The following IARS1 variants were observed in gnomAD, a reference collection of about 807,000 sequenced individuals.
IARS1 encodes the protein isoleucine--tRNA ligase, cytoplasmic.
Under a neutral mutation model 168.2 loss-of-function variants are expected in IARS1, and 124 were observed. That is an observed-to-expected ratio of 0.74 (90% CI 0.64 to 0.86). IARS1 has a LOEUF of 0.86. Among genes scored for constraint, IARS1 ranks in the 40% least tolerant of loss-of-function variants. The pLI is 0.00. For synonymous variants in IARS1, 532 were observed against 529.4 expected, an observed-to-expected ratio of 1.00 and a Z score of -0.07; for missense variants, 1,452 against 1,515.8, an observed-to-expected ratio of 0.96 and a Z score of 0.70.
At chr9:92,265,991 C>G (rs1194751431) in intron 14 of IARS1, among the ~76,000 whole-genome samples, 1 of 152,134 alleles carries the variant, frequency 6.6e-6, no homozygotes, top group African/African-American at 2.4e-5. Context: ...ACACACCAAT[C>G]TGGGCCGAAG....
At chr9:92,227,720 C>G (rs1174206465) in intron 31 of IARS1, among the ~76,000 whole-genome samples, 1 of 151,088 alleles carries the variant, frequency 6.6e-6, no homozygotes, top group East Asian at 2.0e-4. Flanking sequence ...AGAGGCGCTC[C>G]CCACATCTCA....
rs771704889 is a variant in IARS1, at chr9:92,242,254, A to G, written c.3077T>C (p.Ile1026Thr). The change falls in exon 29 of 34, where the codon ATT (isoleucine) becomes ACT (threonine). Residue 1026 changes from isoleucine to threonine, a missense_variant. Coordinates refer to ENST00000443024, the MANE Select transcript of IARS1 (RefSeq NM_002161.6). The part of the protein sequence containing the change: ...KSEGTYLNSV[I>T]ESHTEFIFTT... ...AAATATGAACTCTGTGTGGCTTTCA[A>G]TAACACTATTCAGATATGTTCCTTC... 9 of 1,613,790 alleles carry G rather than the reference A, an allele frequency of 5.6e-6. No homozygotes were observed. Among genetic ancestry groups the G allele is most frequent in the African/African-American group, 1.3e-5 (1 of 74,944 alleles).
intron 30 of IARS1, among the ~76,000 whole-genome samples, chr9:92,238,088 T>C (rs888224691): frequency 1.3e-5 from 2 of 152,120 alleles, no homozygotes; most frequent in African/African-American, 4.8e-5. Flanking sequence ...GTATTTTTAG[T>C]AGAGGTGGGG....
intron 19 of IARS1, among the ~76,000 whole-genome samples, 173 bp from the exon 20 acceptor site, chr9:92,256,973 A>AT (rs1830820068): frequency 6.6e-6 from 1 of 152,254 alleles, no homozygotes; most frequent in African/African-American, 2.4e-5. Context: ...AACGTGGCAC[A>AT]TTAAGTCCTC....
intron 33 of IARS1, among the ~76,000 whole-genome samples, chr9:92,214,843 G>A (rs892506298): frequency 5.3e-5 from 8 of 152,254 alleles, no homozygotes; most frequent in Non-Finnish European, 1.0e-4. Flanking sequence ...CAAGGCTGGG[G>A]GAGGGGCGCC....
intron 20 of IARS1, 32 bp downstream of exon 20, chr9:92,256,648 A>G (rs370636883): frequency 1.9e-6 from 3 of 1,596,362 alleles, no homozygotes; most frequent in East Asian, 2.2e-5. Context: ...AATAGTCCTT[A>G]TTCCTGGGAG....
chr9:92,293,159 T>C (rs780326357), intron 1 of IARS1, among the ~76,000 whole-genome samples: 21 of 152,206 alleles, frequency 1.4e-4, no homozygotes, highest in Non-Finnish European at 8.8e-5. Flanking sequence ...TTATATCCTA[T>C]TAACATAGAC....
intron 30 of IARS1, among the ~76,000 whole-genome samples, chr9:92,235,513 A>ATTT (rs558342421): frequency 4.4e-4 from 50 of 114,188 alleles, no homozygotes; most frequent in African/African-American, 1.3e-3. Flanking sequence ...AATTACATTG[A>ATTT]TTTTTTTTTT....
At chr9:92,221,799 C>T (rs551292370) in intron 33 of IARS1, among the ~76,000 whole-genome samples, 10 of 152,230 alleles carry the variant, frequency 6.6e-5, no homozygotes, top group African/African-American at 2.4e-4. Flanking sequence ...GGAAAAAATG[C>T]AGGTAAGCAT....
intron 28 of IARS1, 183 bp from the exon 29 acceptor site, chr9:92,242,513 T>C (rs1828587050): frequency 1.8e-6 from 1 of 570,192 alleles, no homozygotes; most frequent in South Asian, 2.3e-5. Flanking sequence ...TAACTTTGTG[T>C]CTTTTTCACC....
intron 14 of IARS1, among the ~76,000 whole-genome samples, chr9:92,266,093 TCCA>T (rs1411532397): frequency 2.0e-5 from 3 of 152,242 alleles, no homozygotes; most frequent in Non-Finnish European, 4.4e-5. Flanking sequence ...CTCCTCTGTT[TCCA>T]CCCCAGTATC....
At chr9:92,239,498 T>C (rs1828036674) in intron 30 of IARS1, among the ~76,000 whole-genome samples, 1 of 152,210 alleles carries the variant, frequency 6.6e-6, no homozygotes, top group South Asian at 2.1e-4. Flanking sequence ...AAAAGTTTGA[T>C]TATGATATAT....
chr9:92,262,245 T>G (rs1294825899), intron 17 of IARS1, among the ~76,000 whole-genome samples: 1 of 152,068 alleles, frequency 6.6e-6, no homozygotes, highest in East Asian at 1.9e-4. Context: ...GGGGATTAAA[T>G]GAGTTAAAAT....
intron 30 of IARS1, among the ~76,000 whole-genome samples, chr9:92,234,177 T>C (rs938401918): frequency 6.6e-6 from 1 of 152,200 alleles, no homozygotes; most frequent in African/African-American, 2.4e-5. Flanking sequence ...TATGTTTATC[T>C]TACATCCTGT....
At chr9:92,250,315 A>T in intron 23 of IARS1, 26 bp from the exon 24 acceptor site, 1 of 1,384,322 alleles carries the variant, frequency 7.2e-7, no homozygotes, top group South Asian at 1.2e-5. Flanking sequence ...AGGAATATGA[A>T]AGAGTTTAGA....
chr9:92,221,457 GA>G (rs1409674306), intron 33 of IARS1, among the ~76,000 whole-genome samples: 1 of 152,144 alleles, frequency 6.6e-6, no homozygotes, highest in Non-Finnish European at 1.5e-5. Flanking sequence ...GGTATAAATA[GA>G]AAAAAACAGA....
At chr9:92,271,488 A>C in intron 11 of IARS1, 45 bp downstream of exon 11, 1 of 1,606,218 alleles carries the variant, frequency 6.2e-7, no homozygotes, top group Non-Finnish European at 8.5e-7. Flanking sequence ...GGTAGAGACT[A>C]ATCAGAAGTA....
rs532754907 is a variant in IARS1, at chr9:92,268,145, C to T, written c.1431+29G>A. On this transcript the variant is annotated intron_variant, in intron 14 of 33. Coordinates refer to ENST00000443024, the MANE Select transcript of IARS1 (RefSeq NM_002161.6). ...ATGAACAAAATGCTTTAGCAAAAAT[C>T]AACACAAGGAAATACTGCCATGCCT... 16 of 1,530,790 alleles carry T rather than the reference C, an allele frequency of 1.0e-5. No homozygotes were observed. The South Asian group carries it at 1.9e-4, about 18-fold the overall frequency. The allele number at this position is 1,530,790 out of a possible 1,614,324, so 94.8% of individuals were successfully genotyped here. A position where few individuals can be genotyped will look rare whatever the true frequency, so the allele number is the denominator to read the frequency against.
At chr9:92,282,831 T>TACAC (rs199686901) in intron 6 of IARS1, among the ~76,000 whole-genome samples, 25 of 144,920 alleles carry the variant, frequency 1.7e-4, no homozygotes, top group African/African-American at 5.9e-4. Flanking sequence ...CATATATACA[T>TACAC]ACACACACAT....
Sources: gnomAD v4.1 joint callset for allele counts (sites outside exome capture counted in the v4.1 genomes callset) on GRCh38, gnomAD v4.1.1 for gene constraint, MANE v1.5 for transcripts, NCBI Gene and HGNC (gene_info 2026-07-23, HGNC 2026-07-21) for gene names.